Variants in PLEKHA6 observed in about 807,000 individuals in gnomAD.
PLEKHA6 encodes the protein pleckstrin homology domain-containing family A member 6.
PLEKHA6 carries 60 observed loss-of-function variants against 116.7 expected under a neutral mutation model. That is an observed-to-expected ratio of 0.51 (90% CI 0.42 to 0.64). The LOEUF is 0.64. PLEKHA6 is among the 30% of genes least tolerant of loss of function. The pLI is 0.00. For synonymous variants in PLEKHA6, 489 were observed against 556.1 expected (o/e 0.88, Z 1.70); for missense variants, 1,338 against 1,422.7 (o/e 0.94, Z 0.96).
chr1:204,326,688 G>A (rs1307084888), intron 1 of PLEKHA6, among the ~76,000 whole-genome samples: 4 of 152,180 alleles, frequency 2.6e-5, no homozygotes, highest in Non-Finnish European at 5.9e-5. Context: ...TGACTGCTAG[G>A]GATTAAGCTA....
intron 1 of PLEKHA6, among the ~76,000 whole-genome samples, chr1:204,374,717 A>G (rs920736792): frequency 1.3e-5 from 2 of 151,940 alleles, no homozygotes; most frequent in African/African-American, 4.8e-5. Flanking sequence ...TGTGTCTTCT[A>G]TAGTCTAAAC....
Position 204,257,658 on chromosome 1 carries a change from G to T in PLEKHA6, c.1219C>A (p.Arg407=). Residue 407 remains arginine, a synonymous_variant, in exon 9 of 23, where the codon CGA becomes AGA. Coordinates refer to ENST00000272203, the MANE Select transcript of PLEKHA6 (RefSeq NM_014935.5). This position sits in a 1 kb window ranked among gnomAD's most constrained non-coding sequence, Gnocchi z 6.5. ...TAGCTGGCGGGCTCCTTCCACTCTC[G>T]CAGCTGGTAGGCAGGGCCACCCCCA... The part of the protein sequence containing the change: ...RNGGGPAYQL[R]EWKEPASYGR... The T allele has an allele frequency of 6.2e-7, 1 of 1,609,868 alleles. No homozygotes were observed. The highest frequency in any genetic ancestry group is 8.5e-7 in the Non-Finnish European group (1 of 1,178,214).
intron 1 of PLEKHA6, among the ~76,000 whole-genome samples, chr1:204,275,213 C>G (rs1447265803): frequency 1.3e-5 from 2 of 152,168 alleles, no homozygotes; most frequent in Non-Finnish European, 2.9e-5. Flanking sequence ...AAAAAAAAAG[C>G]TCCCCCATTA....
In PLEKHA6 at chr1:204,264,953, G is replaced by A. The variant is rs144219928; in HGVS notation, c.370C>T (p.His124Tyr). 1 of 1,613,456 alleles carries A rather than the reference G, an allele frequency of 6.2e-7. No individual in the cohort carries two copies. Among genetic ancestry groups the A allele is most frequent in the Non-Finnish European group, 8.5e-7 (1 of 1,179,348 alleles). Residue 124 changes from histidine (H) to tyrosine (Y), a missense_variant, in exon 6 of 23, where the codon CAC becomes TAC. His to Tyr is a moderately conservative substitution (Grantham distance 83). Coordinates refer to ENST00000272203, the MANE Select transcript of PLEKHA6 (RefSeq NM_014935.5). ...VQPSDNISRKHTFKAEHAGVR... is the reference protein window; with the variant it reads ...VQPSDNISRKYTFKAEHAGVR... ...GAAGGCCAACTGACCTTAAACGTGTGTTTCCGGCTGATGTTGTCTGAGGGC... is the reference window on the plus strand; with the variant it reads ...GAAGGCCAACTGACCTTAAACGTGTATTTCCGGCTGATGTTGTCTGAGGGC...
chr1:204,316,129 T>C (rs1671850441), intron 1 of PLEKHA6, among the ~76,000 whole-genome samples: 1 of 152,238 alleles, frequency 6.6e-6, no homozygotes, highest in South Asian at 2.1e-4. Context: ...AAATATTTTC[T>C]CGTTGATCAA....
chr1:204,238,904 A>G lies in PLEKHA6; in HGVS notation c.2409+2471T>C, dbSNP rs560823774. ...CAGTGCACCTGGCTGTGCACTTTGCATGGAAGGAGAAATGGCCAGATGTGC... is the reference window on the plus strand; with the variant it reads ...CAGTGCACCTGGCTGTGCACTTTGCGTGGAAGGAGAAATGGCCAGATGTGC... On this transcript the variant is annotated intron_variant, in intron 17 of 22. Transcript: ENST00000272203. This position sits in a 1 kb window ranked among gnomAD's most constrained non-coding sequence, Gnocchi z 4.2. Among the ~76,000 whole-genome samples, 5 of 152,348 alleles carry G rather than the reference A, an allele frequency of 3.3e-5. No individual in the cohort carries two copies. The highest frequency in any genetic ancestry group is 1.2e-4 in the African/African-American group (5 of 41,576).
intron 1 of PLEKHA6, among the ~76,000 whole-genome samples, chr1:204,316,229 C>A (rs1340597982): frequency 2.0e-5 from 3 of 152,206 alleles, no homozygotes; most frequent in African/African-American, 7.2e-5. Flanking sequence ...ATTTTTCTAA[C>A]TTTTTAAACT....
chr1:204,229,007 CG>C lies in PLEKHA6; in HGVS notation c.2680del (p.Arg894GlyfsTer12). The part of the protein sequence containing the change: ...EPGGHAYETP[R>X]EEIARLRKME... ...TTTGCGAAGCCGGGCAATTTCCTCC[CG>C]GGGTGTCTCGTAGGCATGCCCGCCA... is the stretch of plus-strand genomic sequence containing the variant. On this transcript the variant is annotated frameshift_variant, in exon 19 of 23. Transcript: ENST00000272203. LOFTEE classifies it high-confidence loss of function. The C allele has an allele frequency of 6.2e-7, 1 of 1,614,170 alleles. No homozygotes were observed. Among genetic ancestry groups the C allele is most frequent in the Non-Finnish European group, 8.5e-7 (1 of 1,180,012 alleles).
At chr1:204,272,379 C>T (rs61817056) in intron 3 of PLEKHA6, among the ~76,000 whole-genome samples, 31,688 of 152,104 alleles carry the variant, frequency 0.21, 4,126 homozygotes, top group South Asian at 0.33. Flanking sequence ...CTGGCCTGTT[C>T]CCCTCACGCC....
chr1:204,230,061 C>T (rs1449346895), intron 18 of PLEKHA6, among the ~76,000 whole-genome samples: 1 of 152,218 alleles, frequency 6.6e-6, no homozygotes, highest in Non-Finnish European at 1.5e-5. Flanking sequence ...GCAGCCAGCC[C>T]AGTGCTAGGC....
At chr1:204,263,295 G>A (rs1666367281) in intron 6 of PLEKHA6, among the ~76,000 whole-genome samples, 1 of 152,236 alleles carries the variant, frequency 6.6e-6, no homozygotes, top group South Asian at 2.1e-4. Context: ...CTGTCCCAGC[G>A]GGGCAAAGCC....
chr1:204,353,221 A>G (rs539889601), intron 1 of PLEKHA6, among the ~76,000 whole-genome samples: 1 of 152,326 alleles, frequency 6.6e-6, no homozygotes, highest in East Asian at 1.9e-4. Flanking sequence ...CACAGATACA[A>G]ATAAGACAAA....
intron 8 of PLEKHA6, among the ~76,000 whole-genome samples, chr1:204,258,180 T>C (rs1049749945): frequency 3.3e-5 from 5 of 152,226 alleles, no homozygotes; most frequent in Admixed American, 1.3e-4. Flanking sequence ...TCAGATCTTT[T>C]CTGAGAGAGG....
intron 2 of PLEKHA6, 94 bp downstream of exon 2, chr1:204,274,635 C>T (rs1667825473): frequency 3.0e-6 from 3 of 985,830 alleles, no homozygotes; most frequent in African/African-American, 3.5e-5. Flanking sequence ...TCCTTCCCCT[C>T]CCTGTTGCCT....
At chr1:204,295,028 C>T (rs187866449) in intron 1 of PLEKHA6, among the ~76,000 whole-genome samples, 2 of 152,306 alleles carry the variant, frequency 1.3e-5, no homozygotes, top group East Asian at 3.9e-4. Context: ...AGTACCCTCT[C>T]CCCTGTACTT....
chr1:204,219,454 G>T lies in PLEKHA6; in HGVS notation c.*3334C>A. On this transcript the variant is annotated 3_prime_UTR_variant, in exon 23 of 23. Coordinates refer to ENST00000272203, the MANE Select transcript of PLEKHA6 (RefSeq NM_014935.5). ...AAAGTGACAGTAGCAGTATTTGACTGCAGCCTCTTGGTTATTGATCATGGA... is the reference window on the plus strand; with the variant it reads ...AAAGTGACAGTAGCAGTATTTGACTTCAGCCTCTTGGTTATTGATCATGGA... 6.6e-6 allele frequency: 1 copy of T among 152,524 alleles called. No individual in the cohort carries two copies. 9.4% of individuals were successfully genotyped at this position (152,524 alleles called of 1,614,324 possible). A position where few individuals can be genotyped will look rare whatever the true frequency, so the allele number is the denominator to read the frequency against.
intron 9 of PLEKHA6, among the ~76,000 whole-genome samples, chr1:204,253,226 T>C (rs57148913): frequency 0.021 from 3,188 of 152,168 alleles, 98 homozygotes; most frequent in African/African-American, 0.068. Flanking sequence ...ATTCTCCCAA[T>C]ACATCTGTGA....
At chr1:204,311,714 A>T in intron 1 of PLEKHA6, 1 of 923,704 alleles carries the variant, frequency 1.1e-6, no homozygotes, top group Non-Finnish European at 1.3e-6. Context: ...TTATTGAATG[A>T]AATTGAATAT....
intron 1 of PLEKHA6, among the ~76,000 whole-genome samples, chr1:204,301,012 CTTTA>C (rs1670762833): frequency 6.6e-6 from 1 of 152,200 alleles, no homozygotes; most frequent in Non-Finnish European, 1.5e-5. Flanking sequence ...TCTTTACAGC[CTTTA>C]TTTATCCCAC....
Sources: allele counts gnomAD v4.1 joint callset (sites outside exome capture counted in the v4.1 genomes callset), GRCh38; gene constraint gnomAD v4.1.1; non-coding constraint Gnocchi (gnomAD v3.1); transcripts MANE v1.5; gene names NCBI Gene and HGNC (gene_info 2026-07-23, HGNC 2026-07-21).